The following KIF13A variants were observed in gnomAD, a reference collection of about 807,000 sequenced individuals.
KIF13A encodes the protein kinesin-like protein KIF13A.
Under a neutral mutation model 212.2 loss-of-function variants are expected in KIF13A, and 79 were observed. That is an observed-to-expected ratio of 0.37 (90% CI 0.31 to 0.45). The LOEUF (loss-of-function observed/expected upper bound fraction) is 0.45. KIF13A is among the 20% of genes least tolerant of loss of function. The pLI is 1.00. For synonymous variants in KIF13A, 789 were observed against 808.6 expected (o/e 0.98, Z 0.41); for missense variants, 1,901 against 2,209.0 (o/e 0.86, Z 2.79).
At chr6:17,983,806 G>A (rs569770642) in intron 2 of KIF13A, among the ~76,000 whole-genome samples, 42 of 152,176 alleles carry the variant, frequency 2.8e-4, no homozygotes, top group South Asian at 2.1e-4. Context: ...CCTTGCTTCT[G>A]AATGGTACTC....
At chr6:17,938,063 T>A (rs996361523) in intron 2 of KIF13A, among the ~76,000 whole-genome samples, 2 of 52,960 alleles carry the variant, frequency 3.8e-5, no homozygotes, top group African/African-American at 2.4e-4. Context: ...TACATAATTT[T>A]AAAATTTTTT....
intron 6 of KIF13A, among the ~76,000 whole-genome samples, chr6:17,853,530 A>G (rs764309365): frequency 6.6e-6 from 1 of 152,202 alleles, no homozygotes; most frequent in Non-Finnish European, 1.5e-5. Flanking sequence ...CCTATACAGC[A>G]GGAAACCTGT....
chr6:17,814,374 G>A (rs181576032), intron 17 of KIF13A, among the ~76,000 whole-genome samples: 45 of 149,994 alleles, frequency 3.0e-4, no homozygotes, highest in African/African-American at 1.1e-3. Context: ...TCAACCTCCC[G>A]AGTAGCTGGG....
At chr6:17,910,828 T>C (rs928602491) in intron 2 of KIF13A, among the ~76,000 whole-genome samples, 2 of 152,194 alleles carry the variant, frequency 1.3e-5, no homozygotes, top group African/African-American at 4.8e-5. Context: ...AGTGGTGTGA[T>C]CTCAGCTCAC....
At chr6:17,857,251 T>C (rs1768231098) in intron 4 of KIF13A, among the ~76,000 whole-genome samples, 1 of 152,210 alleles carries the variant, frequency 6.6e-6, no homozygotes, top group Admixed American at 6.5e-5. Context: ...GTATTTGTGA[T>C]ATGGTTTAGT....
At chr6:17,791,586 A>G (rs1464369779) in intron 25 of KIF13A, among the ~76,000 whole-genome samples, 1 of 152,138 alleles carries the variant, frequency 6.6e-6, no homozygotes, top group Non-Finnish European at 1.5e-5. Flanking sequence ...TTTAACTCAG[A>G]GGTAGAGCTG....
Position 17,856,129 on chromosome 6 carries a change from AACAAG to A in KIF13A, c.221-12_221-8del. 1 of 1,580,776 alleles carries A rather than the reference AACAAG, an allele frequency of 6.3e-7. No homozygotes were observed. The highest frequency in any genetic ancestry group is 8.7e-7 in the Non-Finnish European group (1 of 1,152,812). ...TTGAAAACCACTTCTTGACCTAAAA[AACAAG>A]ACAAATATTAAAAACTAATAAAAAG... On this transcript the variant is annotated splice_region_variant and splice_polypyrimidine_tract_variant and intron_variant, in intron 4 of 38. Transcript: ENST00000259711. This position sits in a 1 kb window ranked among gnomAD's most constrained non-coding sequence, Gnocchi z 4.5.
intron 18 of KIF13A, 50 bp downstream of exon 18, chr6:17,808,718 C>T (rs1158526741): frequency 6.5e-7 from 1 of 1,530,106 alleles, no homozygotes; most frequent in Admixed American, 2.0e-5. Flanking sequence ...TCCTATTTTA[C>T]AATATTTACT....
At position 17,764,249 on chromosome 6, in the gene KIF13A, C is replaced by A. The variant is rs1189836947; in HGVS notation, c.5279G>T (p.Ser1760Ile). Residue 1760 changes from serine (S) to isoleucine (I), a missense_variant, in exon 39 of 39, where the codon AGT becomes ATT. Physicochemically the swap from Ser to Ile is moderately radical, Grantham distance 142 (BLOSUM62 -2). Transcript: ENST00000259711. The surrounding 1 kb of genome is among the most constrained non-coding windows in gnomAD (Gnocchi z 5.1). ...LTDSSAGELS[S>I]RRSLPNKTGG... ...TGTTTTATTTGGTAGACTCCTCCTACTGGAAAGCTCTCCAGCAGAAGAATC... is the reference window on the plus strand; with the variant it reads ...TGTTTTATTTGGTAGACTCCTCCTAATGGAAAGCTCTCCAGCAGAAGAATC... 4 of 1,614,024 alleles carry A rather than the reference C, an allele frequency of 2.5e-6. No individual in the cohort carries two copies. Among genetic ancestry groups the A allele is most frequent in the Non-Finnish European group, 3.4e-6 (4 of 1,179,896 alleles).
At chr6:17,803,536 A>G (rs988656924) in intron 20 of KIF13A, among the ~76,000 whole-genome samples, 12 of 152,174 alleles carry the variant, frequency 7.9e-5, no homozygotes, top group Non-Finnish European at 1.6e-4. Context: ...ACATTTTCTG[A>G]AATATCTTAT....
chr6:17,814,948 C>G (rs765870373), intron 17 of KIF13A, among the ~76,000 whole-genome samples: 26 of 152,150 alleles, frequency 1.7e-4, no homozygotes, highest in Non-Finnish European at 3.7e-4. Flanking sequence ...CAGCTGGGCC[C>G]GGGGGACCAC....
rs375397018 is a variant in KIF13A at position 17,794,145 on chromosome 6, T to C, written c.3222+104A>G. ...GATGGAAATGTGAACTGGGGGAAGA[T>C]CTACGGTTAAGGCAAAGAGTTCTGT... On this transcript the variant is annotated intron_variant, in intron 25 of 38. Transcript: ENST00000259711. The surrounding 1 kb of genome is among the most constrained non-coding windows in gnomAD (Gnocchi z 4.1). 3.6e-6 allele frequency: 3 copies of C among 843,092 alleles called. No homozygotes were observed. Among genetic ancestry groups the C allele is most frequent in the African/African-American group, 3.3e-5 (2 of 60,060 alleles). 52.2% of individuals were successfully genotyped at this position (843,092 alleles called of 1,614,324 possible). A position where few individuals can be genotyped will look rare whatever the true frequency, so the allele number is the denominator to read the frequency against.
intron 2 of KIF13A, among the ~76,000 whole-genome samples, chr6:17,957,172 G>A (rs182587836): frequency 3.5e-4 from 54 of 152,232 alleles, no homozygotes; most frequent in Middle Eastern, 3.4e-3. Context: ...GTGAGCCATC[G>A]CACCAGGTCC....
Position 17,799,207 on chromosome 6 carries a change from T to C in KIF13A, c.2790+59A>G. On this transcript the variant is annotated intron_variant, in intron 22 of 38. Coordinates refer to ENST00000259711, the MANE Select transcript of KIF13A (RefSeq NM_022113.6). The surrounding 1 kb of genome is among the most constrained non-coding windows in gnomAD (Gnocchi z 4.4). ...AAATGCTTGTGGGGACAACTGATTG[T>C]TGAACTGCACCAATTTCTGCTGCTT... 2 of 1,223,620 alleles carry C rather than the reference T, an allele frequency of 1.6e-6. No individual in the cohort carries two copies. Among genetic ancestry groups the C allele is most frequent in the South Asian group, 2.5e-5 (1 of 40,078 alleles). 75.8% of individuals were successfully genotyped at this position (1,223,620 alleles called of 1,614,324 possible).
chr6:17,909,645 G>C (rs544486051), intron 2 of KIF13A, among the ~76,000 whole-genome samples: 1 of 151,424 alleles, frequency 6.6e-6, no homozygotes, highest in African/African-American at 2.4e-5. Flanking sequence ...CTGTAATCCC[G>C]GCACGTTGGG....
chr6:17,924,871 C>A (rs1237264528), intron 2 of KIF13A, among the ~76,000 whole-genome samples: 1 of 152,134 alleles, frequency 6.6e-6, no homozygotes, highest in African/African-American at 2.4e-5. Context: ...GAAATGAAAA[C>A]TTAGCTGATT....
chr6:17,982,413 A>G lies in KIF13A; in HGVS notation c.146+4641T>C. On this transcript the variant is annotated intron_variant, in intron 2 of 38. Transcript: ENST00000259711. The surrounding 1 kb of genome is among the most constrained non-coding windows in gnomAD (Gnocchi z 5.1). Reference sequence around the variant, plus strand: ...GTGTCTGGCCCCCAGGATTTGGAGCATTTTAGATTTCAGATGTTCAGACAG... The same window carrying G: ...GTGTCTGGCCCCCAGGATTTGGAGCGTTTTAGATTTCAGATGTTCAGACAG... The G allele has an allele frequency of 1.0e-6, 1 of 984,392 alleles. No individual in the cohort carries two copies. The highest frequency in any genetic ancestry group is 1.7e-5 in the African/African-American group (1 of 57,316). The allele number at this position is 984,392 out of a possible 1,614,324, so 61.0% of individuals were successfully genotyped here.
intron 2 of KIF13A, among the ~76,000 whole-genome samples, chr6:17,910,722 C>T (rs1186535933): frequency 6.6e-6 from 1 of 152,198 alleles, no homozygotes; most frequent in African/African-American, 2.4e-5. Flanking sequence ...TCTTAAAATT[C>T]TCACCACAGG....
At chr6:17,854,643 C>T (rs1581534314) in intron 6 of KIF13A, among the ~76,000 whole-genome samples, 2 of 138,636 alleles carry the variant, frequency 1.4e-5, no homozygotes, top group South Asian at 2.3e-4. Context: ...GCAACCTCTG[C>T]CTCCTGGGTT....
Sources: allele counts gnomAD v4.1 joint callset (sites outside exome capture counted in the v4.1 genomes callset), GRCh38; gene constraint gnomAD v4.1.1; non-coding constraint Gnocchi (gnomAD v3.1); transcripts MANE v1.5; gene names NCBI Gene and HGNC (gene_info 2026-07-23, HGNC 2026-07-21).